The following CNTN5 variants were observed in gnomAD, a reference collection of about 807,000 sequenced individuals.
The protein encoded by CNTN5 is contactin-5.
CNTN5 carries 77 observed loss-of-function variants against 129.1 expected under a neutral mutation model. The ratio of observed to expected loss-of-function variants is 0.60; its 90% CI spans 0.50 to 0.72. The LOEUF (loss-of-function observed/expected upper bound fraction) is 0.72, where lower values mean the gene tolerates loss of function less well. Among genes scored for constraint, CNTN5 ranks in the 30% least tolerant of loss-of-function variants. The pLI is 0.00. For missense variants in CNTN5, 1,478 were observed against 1,328.8 expected (o/e 1.11, Z -1.75); for synonymous variants, 509 against 465.6 (o/e 1.09, Z -1.20).
At chr11:100,144,135 G>A (rs773170590) in intron 13 of CNTN5, among the ~76,000 whole-genome samples, 3 of 152,026 alleles carry the variant, frequency 2.0e-5, no homozygotes, top group South Asian at 4.1e-4. Context: ...TATCTGCTTC[G>A]ATCCATGTTT....
At chr11:99,251,443 G>T (rs1223371269) in intron 1 of CNTN5, among the ~76,000 whole-genome samples, 1 of 151,678 alleles carries the variant, frequency 6.6e-6, no homozygotes, top group Non-Finnish European at 1.5e-5. Flanking sequence ...CAACAAACTA[G>T]CCAGTCAGTT....
intron 9 of CNTN5, among the ~76,000 whole-genome samples, chr11:100,018,678 A>T (rs2137553039): frequency 6.6e-6 from 1 of 152,068 alleles, no homozygotes; most frequent in Non-Finnish European, 1.5e-5. Flanking sequence ...TTTTTCTTAG[A>T]TAAATACTTA....
chr11:99,136,611 A>G (rs974266454), intron 1 of CNTN5, among the ~76,000 whole-genome samples: 2 of 152,080 alleles, frequency 1.3e-5, no homozygotes, highest in African/African-American at 4.8e-5. Context: ...TACCAATCAA[A>G]CATATTTTCA....
intron 12 of CNTN5, among the ~76,000 whole-genome samples, chr11:100,073,206 C>G (rs1045193581): frequency 7.2e-5 from 11 of 151,794 alleles, no homozygotes; most frequent in African/African-American, 2.7e-4. Flanking sequence ...ACAGCCACAC[C>G]CAGCTGATTT....
chr11:100,284,243 T>A (rs188069760), intron 18 of CNTN5, among the ~76,000 whole-genome samples: 28 of 152,334 alleles, frequency 1.8e-4, no homozygotes, highest in African/African-American at 6.5e-4. Context: ...CACCTGATTT[T>A]TGGTTCTTAC....
At chr11:99,552,991 A>G (rs1020727152) in intron 2 of CNTN5, among the ~76,000 whole-genome samples, 16 of 152,294 alleles carry the variant, frequency 1.1e-4, no homozygotes, top group African/African-American at 3.4e-4. Context: ...TTGTACATGC[A>G]GTCAACCTCA....
At chr11:100,202,967 A>ACT (rs1948818884) in intron 15 of CNTN5, among the ~76,000 whole-genome samples, 1 of 151,898 alleles carries the variant, frequency 6.6e-6, no homozygotes, top group Admixed American at 6.6e-5. Flanking sequence ...ACTAGCTGTA[A>ACT]CTCTTCATTG....
intron 2 of CNTN5, among the ~76,000 whole-genome samples, chr11:99,334,820 T>C (rs1022103697): frequency 1.8e-5 from 1 of 54,116 alleles, no homozygotes; most frequent in African/African-American, 7.3e-5. Flanking sequence ...ATATATTTTT[T>C]AAAATAATTC....
At chr11:99,042,889 A>T (rs1864061366) in intron 1 of CNTN5, among the ~76,000 whole-genome samples, 1 of 148,504 alleles carries the variant, frequency 6.7e-6, no homozygotes, top group South Asian at 2.1e-4. Context: ...TGCTACTTTA[A>T]CTCCTAGGGA....
At chr11:99,735,021 AAAC>A (rs895252789) in intron 3 of CNTN5, among the ~76,000 whole-genome samples, 1 of 152,192 alleles carries the variant, frequency 6.6e-6, no homozygotes, top group African/African-American at 2.4e-5. Context: ...ACAAAAACAA[AAAC>A]AAAAGTTCTG....
At chr11:99,545,897 C>A (rs755054196) in intron 2 of CNTN5, among the ~76,000 whole-genome samples, 8 of 152,178 alleles carry the variant, frequency 5.3e-5, no homozygotes, top group Non-Finnish European at 1.0e-4. Context: ...GGCTTCATCT[C>A]CTAAGTCGTC....
intron 2 of CNTN5, among the ~76,000 whole-genome samples, chr11:99,332,943 T>G (rs962471889): frequency 1.3e-5 from 2 of 152,078 alleles, no homozygotes; most frequent in African/African-American, 2.4e-5. Context: ...TTTTCCTTTG[T>G]AAATAAAGTT....
At chr11:99,373,832 CATA>C (rs1939986177) in intron 2 of CNTN5, among the ~76,000 whole-genome samples, 1 of 150,278 alleles carries the variant, frequency 6.7e-6, no homozygotes, top group African/African-American at 2.5e-5. Flanking sequence ...ATTTTGTTAA[CATA>C]ATAAAATATA....
At chr11:100,085,232 C>G (rs1370782739) in intron 13 of CNTN5, among the ~76,000 whole-genome samples, 1 of 151,702 alleles carries the variant, frequency 6.6e-6, no homozygotes, top group East Asian at 1.9e-4. Context: ...GGGAGGAGAT[C>G]CAGGATGAAT....
intron 2 of CNTN5, among the ~76,000 whole-genome samples, chr11:99,487,007 C>T (rs771156005): frequency 1.6e-4 from 24 of 152,150 alleles, no homozygotes; most frequent in Non-Finnish European, 3.2e-4. Context: ...TTGGAAGAGT[C>T]AGCCTGAAAG....
At chr11:99,202,967 G>A (rs1551780) in intron 1 of CNTN5, among the ~76,000 whole-genome samples, 1 of 150,878 alleles carries the variant, frequency 6.6e-6, no homozygotes, top group African/African-American at 2.4e-5. Context: ...AAAGAAAGAA[G>A]AGAGAAAAGA....
intron 1 of CNTN5, among the ~76,000 whole-genome samples, chr11:99,109,618 A>G (rs1252705720): frequency 6.6e-6 from 1 of 152,148 alleles, no homozygotes; most frequent in African/African-American, 2.4e-5. Context: ...AAGTGATTAC[A>G]GACAGTTGTA....
chr11:99,565,694 G>T (rs944922636), intron 3 of CNTN5, among the ~76,000 whole-genome samples: 1 of 152,128 alleles, frequency 6.6e-6, no homozygotes, highest in Non-Finnish European at 1.5e-5. Context: ...TCCTATCTCT[G>T]TCTTTCCAAT....
At chr11:99,405,022 A>T (rs569215904) in intron 2 of CNTN5, among the ~76,000 whole-genome samples, 2 of 152,038 alleles carry the variant, frequency 1.3e-5, no homozygotes, top group South Asian at 4.1e-4. Flanking sequence ...TTTTTCCTTT[A>T]GAACTTTAAA....
Sources: allele counts gnomAD v4.1 joint callset (sites outside exome capture counted in the v4.1 genomes callset), GRCh38; gene constraint gnomAD v4.1.1; transcripts MANE v1.5; gene names NCBI Gene and HGNC (gene_info 2026-07-23, HGNC 2026-07-21).